Variants in COX10 observed in about 807,000 individuals in gnomAD.
The protein encoded by COX10 is cytochrome c oxidase assembly factor heme A:farnesyltransferase COX10.
In COX10, 27 loss-of-function variants were observed where a neutral mutation model predicts 37.3. The ratio of observed to expected loss-of-function variants is 0.72; its 90% confidence interval spans 0.53 to 1.00. The LOEUF (loss-of-function observed/expected upper bound fraction) is 1.00, where lower values mean the gene tolerates loss of function less well. Among genes scored for constraint, COX10 ranks in the 50% least tolerant of loss-of-function variants. The pLI, the probability that COX10 is intolerant of heterozygous loss-of-function variation, is 0.00. For missense variants in COX10, 475 were observed against 563.2 expected (o/e 0.84, Z 1.59); for synonymous variants, 222 against 229.1 (o/e 0.97, Z 0.28).
In COX10 at chr17:14,206,793, C is replaced by T; in HGVS notation, c.929-17C>T. On this transcript the variant is annotated splice_polypyrimidine_tract_variant and intron_variant, in intron 6 of 6. Coordinates refer to ENST00000261643, the MANE Select transcript of COX10 (RefSeq NM_001303.4). Reference sequence around the variant, plus strand: ...TGACTGCCTTTGTCTCCCTCTCCTTCCCTGACCCCCGCACAGGCGCATTTC... The same window carrying T: ...TGACTGCCTTTGTCTCCCTCTCCTTTCCTGACCCCCGCACAGGCGCATTTC... The T allele has an allele frequency of 7.4e-6, 12 of 1,611,202 alleles. No individual in the cohort carries two copies. Among genetic ancestry groups the T allele is most frequent in the African/African-American group, 1.3e-5 (1 of 74,852 alleles).
chr17:14,161,601 C>T (rs1356672252), intron 5 of COX10, among the ~76,000 whole-genome samples: 1 of 152,082 alleles, frequency 6.6e-6, no homozygotes, highest in African/African-American at 2.4e-5. Context: ...AAGATTTGCC[C>T]TCAGTATTGG....
intron 4 of COX10, among the ~76,000 whole-genome samples, chr17:14,131,014 T>C (rs1916452773): frequency 1.3e-5 from 2 of 152,192 alleles, no homozygotes; most frequent in Non-Finnish European, 2.9e-5. Flanking sequence ...AGTTCACCAC[T>C]ATTCCTAGCA....
chr17:14,074,234 G>A (rs1162371011), intron 1 of COX10, 89 bp from the exon 2 acceptor site: 54 of 1,444,338 alleles, frequency 3.7e-5, no homozygotes, highest in Non-Finnish European at 5.2e-5. Context: ...TTACCTTAGT[G>A]GCTGGCTTTG....
At chr17:14,199,469 T>G (rs1008160783) in intron 6 of COX10, among the ~76,000 whole-genome samples, 1 of 152,148 alleles carries the variant, frequency 6.6e-6, no homozygotes, top group Non-Finnish European at 1.5e-5. Flanking sequence ...GGGAGCACTG[T>G]TTTCAGAGTC....
intron 4 of COX10, among the ~76,000 whole-genome samples, chr17:14,154,077 G>C (rs2142235254): frequency 1.3e-5 from 2 of 152,256 alleles, no homozygotes; most frequent in South Asian, 4.1e-4. Flanking sequence ...AAGTACTCTA[G>C]GGACACAAAG....
chr17:14,145,663 G>A (rs1188492404), intron 4 of COX10, among the ~76,000 whole-genome samples: 1 of 152,150 alleles, frequency 6.6e-6, no homozygotes, highest in Non-Finnish European at 1.5e-5. Context: ...TTGGACAGTG[G>A]ACAGCCATGG....
At chr17:14,199,250 G>T (rs996214232) in intron 6 of COX10, among the ~76,000 whole-genome samples, 1 of 152,150 alleles carries the variant, frequency 6.6e-6, no homozygotes, top group Non-Finnish European at 1.5e-5. Flanking sequence ...CTGAATGAAC[G>T]ATAGATGACG....
rs1916483424 is a variant in COX10, at chr17:14,132,233, T to G, written c.625-27644T>G. Among the ~76,000 whole-genome samples, 3 of 151,944 alleles carry G rather than the reference T, an allele frequency of 2.0e-5. No individual in the cohort carries two copies. In the South Asian group the frequency reaches 6.2e-4, roughly 31 times the overall value. The stretch of plus-strand genomic sequence containing the variant: ...TATTATATCAGGAATTTTTGATATT[T>G]GAGATGTAGCTTTCCACAGCTGTGT... On this transcript the variant is annotated intron_variant, in intron 4 of 6. Transcript: ENST00000261643.
intron 4 of COX10, among the ~76,000 whole-genome samples, chr17:14,134,391 T>C (rs1176264119): frequency 6.6e-6 from 1 of 151,820 alleles, no homozygotes; most frequent in Non-Finnish European, 1.5e-5. Context: ...AAACAACATA[T>C]ATGTTAGAAA....
At chr17:14,161,598 G>T (rs927404344) in intron 5 of COX10, among the ~76,000 whole-genome samples, 5 of 152,166 alleles carry the variant, frequency 3.3e-5, no homozygotes, top group African/African-American at 1.2e-4. Context: ...GGGAAGATTT[G>T]CCCTCAGTAT....
intron 4 of COX10, among the ~76,000 whole-genome samples, chr17:14,105,485 G>A (rs1488563378): frequency 6.6e-6 from 1 of 152,134 alleles, no homozygotes; most frequent in African/African-American, 2.4e-5. Context: ...TTTATACAGT[G>A]CTGTAGAATT....
At position 14,191,992 on chromosome 17, in the gene COX10, A is replaced by G. The variant is rs2230354; in HGVS notation, c.699A>G (p.Pro233=). 0.59 allele frequency: 944,231 copies of G among 1,611,018 alleles called. 277,809 individuals carry two copies. Among genetic ancestry groups the G allele is most frequent in the South Asian group, 0.6 (54,809 of 91,010 alleles). The stretch of plus-strand genomic sequence containing the variant: ...AGGTTCTCTGCTCTTTTTCCAGCCC[A>G]TTGCTAGCTGTGTCCTTTGCCACTT... ...NRPLVRGQIS[P]LLAVSFATCC... is the part of the protein sequence containing the mutation. The change falls in exon 6 of 7, where the codon CCA becomes CCG. Residue 233 remains proline (P), a synonymous_variant. Coordinates refer to ENST00000261643, the MANE Select transcript of COX10 (RefSeq NM_001303.4).
At chr17:14,158,960 C>T (rs1316294003) in intron 4 of COX10, among the ~76,000 whole-genome samples, 1 of 152,130 alleles carries the variant, frequency 6.6e-6, no homozygotes, top group Non-Finnish European at 1.5e-5. Flanking sequence ...AAGTAAGAGA[C>T]ATTAATAACA....
intron 4 of COX10, among the ~76,000 whole-genome samples, chr17:14,135,113 A>C (rs1916550029): frequency 1.3e-5 from 2 of 151,806 alleles, no homozygotes; most frequent in Non-Finnish European, 3.0e-5. Context: ...ATGAAGCTTC[A>C]TACTATATAG....
At chr17:14,176,212 C>T (rs1054307431) in intron 5 of COX10, among the ~76,000 whole-genome samples, 1 of 151,650 alleles carries the variant, frequency 6.6e-6, no homozygotes, top group African/African-American at 2.4e-5. Flanking sequence ...GAAATGTTCC[C>T]GTCTCTATTG....
rs1032232028 is a variant in COX10 at position 14,119,432 on chromosome 17, C to CA, written c.624+17198dup. ...TCAGCACTGAGGATACAATGGTAGG[C>CA]AAAAAAAACCTGCCACGATCTTTGC... On this transcript the variant is annotated intron_variant, in intron 4 of 6. Coordinates refer to ENST00000261643, the MANE Select transcript of COX10 (RefSeq NM_001303.4). 1.9e-4 allele frequency among the ~76,000 whole-genome samples: 29 copies of CA among 151,530 alleles called. No homozygotes were observed. In the East Asian group the frequency reaches 3.7e-3, roughly 19 times the overall value.
intron 5 of COX10, among the ~76,000 whole-genome samples, chr17:14,188,102 CTTTTTT>C (rs1157321131): frequency 0.022 from 2,732 of 123,620 alleles, 41 homozygotes; most frequent in Non-Finnish European, 0.031. Context: ...CCTTCTTCTT[CTTTTTT>C]TTTTTTTTTT....
At chr17:14,110,250 ATG>A (rs1915981595) in intron 4 of COX10, among the ~76,000 whole-genome samples, 1 of 152,120 alleles carries the variant, frequency 6.6e-6, no homozygotes, top group African/African-American at 2.4e-5. Context: ...TTATGAATAT[ATG>A]TATATATTTA....
intron 3 of COX10, among the ~76,000 whole-genome samples, chr17:14,087,506 G>A (rs1915436414): frequency 6.6e-6 from 1 of 152,078 alleles, no homozygotes; most frequent in Admixed American, 6.6e-5. Context: ...TTGTGTATCG[G>A]TTGAACGGAT....
Sources: gnomAD v4.1 joint callset for allele counts (sites outside exome capture counted in the v4.1 genomes callset) on GRCh38, gnomAD v4.1.1 for gene constraint, MANE v1.5 for transcripts, NCBI Gene and HGNC (gene_info 2026-07-23, HGNC 2026-07-21) for gene names.